Variants in NRG3 observed in about 807,000 individuals in gnomAD.
The protein encoded by NRG3 is neuregulin 3.
Under a neutral mutation model 66.9 loss-of-function variants are expected in NRG3, and 31 were observed. The observed-to-expected ratio is 0.46, with a 90% CI of 0.35 to 0.63. NRG3 has a LOEUF of 0.63. NRG3 is among the 20% of genes least tolerant of loss of function. The pLI is 0.00. For synonymous variants in NRG3, 393 were observed against 359.4 expected (o/e 1.09, Z -1.06); for missense variants, 910 against 878.9 (o/e 1.04, Z -0.45).
intron 1 of NRG3, among the ~76,000 whole-genome samples, chr10:82,246,410 C>A (rs1345831359): frequency 6.6e-6 from 1 of 152,094 alleles, no homozygotes; most frequent in Middle Eastern, 3.2e-3. Context: ...AGGAAGCACT[C>A]TGATGATGTG....
At chr10:82,758,395 A>T (rs2059165293) in intron 3 of NRG3, among the ~76,000 whole-genome samples, 1 of 152,150 alleles carries the variant, frequency 6.6e-6, no homozygotes, top group Non-Finnish European at 1.5e-5. Context: ...TTTTATGAGT[A>T]ATAAAGTATA....
Position 82,164,178 on chromosome 10 carries a change from A to G in NRG3, c.824-194561A>G, listed in dbSNP as rs574189874. ...GGGATCCACCTGTGTAGGCCTCCCA[A>G]TGTGCTGGGATTACAGGCGTGAGCC... is the stretch of plus-strand genomic sequence containing the variant. On this transcript the variant is annotated intron_variant, in intron 1 of 8. Coordinates refer to ENST00000372141, the MANE Select transcript of NRG3 (RefSeq NM_001010848.4). Among the ~76,000 whole-genome samples the G allele has an allele frequency of 1.1e-4, 16 of 152,096 alleles. No individual in the cohort carries two copies. The South Asian group carries it at 1.2e-3, about 12-fold the overall frequency.
intron 1 of NRG3, among the ~76,000 whole-genome samples, chr10:82,229,890 C>T (rs776783790): frequency 1.9e-4 from 29 of 151,578 alleles, no homozygotes; most frequent in East Asian, 5.8e-4. Context: ...AGAATAGAAA[C>T]GGAAAATATC....
chr10:82,639,818 A>T (rs2050442698), intron 2 of NRG3, among the ~76,000 whole-genome samples: 1 of 152,232 alleles, frequency 6.6e-6, no homozygotes, highest in Admixed American at 6.5e-5. Flanking sequence ...AAGGTTTGTT[A>T]TATAGGTAAA....
chr10:82,971,213 AG>A (rs1363118239), intron 6 of NRG3, among the ~76,000 whole-genome samples: 3 of 152,188 alleles, frequency 2.0e-5, no homozygotes, highest in Non-Finnish European at 4.4e-5. Flanking sequence ...ACCTCCCACC[AG>A]GCCTCATCTC....
intron 2 of NRG3, among the ~76,000 whole-genome samples, chr10:82,573,845 G>A (rs1022590091): frequency 4.0e-5 from 6 of 151,682 alleles, no homozygotes; most frequent in Admixed American, 4.0e-4. Flanking sequence ...AACTGGAAGA[G>A]ACCTCAAAAA....
At position 82,442,784 on chromosome 10, in the gene NRG3, A is replaced by ATTTTTTTTTTTTTTTTT. The variant is rs61261285; in HGVS notation, c.953+83931_953+83947dup. On this transcript the variant is annotated intron_variant, in intron 2 of 8. Transcript: ENST00000372141. ...CACCAAAGATCTTATTTCTGTGTGG[A>ATTTTTTTTTTTTTTTTT]TTTTTTTTTTTTTTTTTTTTTTTTT... Among the ~76,000 whole-genome samples, 22 of 54,274 alleles carry ATTTTTTTTTTTTTTTTT rather than the reference A, an allele frequency of 4.1e-4. 5 individuals carry two copies. The highest frequency in any genetic ancestry group is 1.4e-3 in the African/African-American group (15 of 11,008). 35.6% of individuals were successfully genotyped at this position (54,274 alleles called of 152,430 possible).
intron 1 of NRG3, among the ~76,000 whole-genome samples, chr10:82,070,907 T>C (rs534370013): frequency 6.6e-6 from 1 of 152,330 alleles, no homozygotes; most frequent in South Asian, 2.1e-4. Flanking sequence ...CAGTATAATG[T>C]CTAAACTTAT....
At chr10:82,791,294 T>C (rs959413818) in intron 3 of NRG3, among the ~76,000 whole-genome samples, 7 of 150,124 alleles carry the variant, frequency 4.7e-5, no homozygotes, top group Non-Finnish European at 1.0e-4. Context: ...CTGATGTTTA[T>C]TGCTGTTTTT....
chr10:82,268,939 T>TC (rs1047402946), intron 1 of NRG3, among the ~76,000 whole-genome samples: 26 of 152,190 alleles, frequency 1.7e-4, no homozygotes, highest in Non-Finnish European at 8.8e-5. Flanking sequence ...CATCTTCCTT[T>TC]CCCCTGCCCT....
At chr10:81,951,379 T>C (rs1275416112) in intron 1 of NRG3, among the ~76,000 whole-genome samples, 1 of 152,108 alleles carries the variant, frequency 6.6e-6, no homozygotes, top group Non-Finnish European at 1.5e-5. Context: ...ACAAATTAGG[T>C]GTGTATCAGG....
intron 3 of NRG3, among the ~76,000 whole-genome samples, chr10:82,842,112 G>T (rs532179644): frequency 6.6e-6 from 1 of 152,244 alleles, no homozygotes; most frequent in African/African-American, 2.4e-5. Context: ...TTTTCCAGGC[G>T]TGGTGGTGTG....
At chr10:82,915,715 G>A (rs1328416733) in intron 4 of NRG3, among the ~76,000 whole-genome samples, 2 of 152,102 alleles carry the variant, frequency 1.3e-5, no homozygotes, top group Non-Finnish European at 2.9e-5. Flanking sequence ...CTGTACAAAA[G>A]TCTGAATATT....
intron 1 of NRG3, among the ~76,000 whole-genome samples, chr10:82,332,065 G>T (rs1461669035): frequency 6.6e-5 from 10 of 152,154 alleles, no homozygotes; most frequent in African/African-American, 2.2e-4. Context: ...CGGAACCATG[G>T]TCACATAAAG....
At position 82,465,477 on chromosome 10, in the gene NRG3, G is replaced by T. The variant is rs77096844; in HGVS notation, c.953+106609G>T. 2.8e-3 allele frequency among the ~76,000 whole-genome samples: 433 copies of T among 152,276 alleles called. 2 individuals are homozygous for T. Among genetic ancestry groups the T allele is most frequent in the African/African-American group, 8.8e-3 (365 of 41,550 alleles). ...TTTAACTTTACAGGCTTCTCAGCTG[G>T]GAGTCCACTGTTTCTGTCCCACTAA... On this transcript the variant is annotated intron_variant, in intron 2 of 8. Coordinates refer to ENST00000372141, the MANE Select transcript of NRG3 (RefSeq NM_001010848.4).
intron 3 of NRG3, among the ~76,000 whole-genome samples, chr10:82,809,141 T>A (rs12416145): frequency 6.6e-6 from 1 of 152,152 alleles, no homozygotes; most frequent in African/African-American, 2.4e-5. Flanking sequence ...GAGAAGCCAT[T>A]AAAGAGCCCC....
chr10:82,667,153 T>A (rs1485988910), intron 2 of NRG3, among the ~76,000 whole-genome samples: 1 of 152,112 alleles, frequency 6.6e-6, no homozygotes, highest in Non-Finnish European at 1.5e-5. Context: ...TCCTCTGAAC[T>A]CAGGAGTGGT....
chr10:81,965,558 T>C (rs1373659208), intron 1 of NRG3, among the ~76,000 whole-genome samples: 2 of 152,244 alleles, frequency 1.3e-5, no homozygotes, highest in Non-Finnish European at 2.9e-5. Flanking sequence ...GTTATCCCAC[T>C]TAGTACCATT....
chr10:82,393,192 A>G (rs1018620253), intron 2 of NRG3, among the ~76,000 whole-genome samples: 4 of 152,178 alleles, frequency 2.6e-5, no homozygotes, highest in Admixed American at 2.0e-4. Context: ...GATATTGTGT[A>G]GTTGCCTTAA....
Sources: allele counts gnomAD v4.1 joint callset (sites outside exome capture counted in the v4.1 genomes callset), GRCh38; gene constraint gnomAD v4.1.1; transcripts MANE v1.5; gene names NCBI Gene and HGNC (gene_info 2026-07-23, HGNC 2026-07-21).